MACROD2: variants seen among roughly 807,000 people sequenced by gnomAD.
The protein encoded by MACROD2 is ADP-ribose glycohydrolase MACROD2.
In MACROD2, 36 loss-of-function variants were observed where a neutral mutation model predicts 70.4. That is an observed-to-expected ratio of 0.51 (90% CI 0.39 to 0.68). The LOEUF (loss-of-function observed/expected upper bound fraction) is 0.68, where lower values mean the gene tolerates loss of function less well. MACROD2 is among the 30% of genes least tolerant of loss of function. The pLI is 0.00. For missense variants in MACROD2, 496 were observed against 538.4 expected (o/e 0.92, Z 0.78); for synonymous variants, 172 against 178.8 (o/e 0.96, Z 0.30).
At chr20:14,358,160 T>C (rs1294656833) in intron 3 of MACROD2, among the ~76,000 whole-genome samples, 1 of 152,226 alleles carries the variant, frequency 6.6e-6, no homozygotes, top group Non-Finnish European at 1.5e-5. Flanking sequence ...TAGTACTGTA[T>C]AACAATTTAG....
At chr20:14,775,630 G>A (rs1324536677) in intron 5 of MACROD2, among the ~76,000 whole-genome samples, 1 of 151,840 alleles carries the variant, frequency 6.6e-6, no homozygotes, top group Non-Finnish European at 1.5e-5. Context: ...CAACACTGGG[G>A]GTCACATTTC....
chr20:15,744,104 T>C (rs2146969041), intron 8 of MACROD2, among the ~76,000 whole-genome samples: 1 of 148,750 alleles, frequency 6.7e-6, no homozygotes, highest in African/African-American at 2.4e-5. Flanking sequence ...AGTTTAGTTG[T>C]ATCTCTTTTT....
rs536729630 is a variant in MACROD2, at chr20:14,171,886, T to A, written c.271+86158T>A. Among the ~76,000 whole-genome samples, 10 of 152,314 alleles carry A rather than the reference T, an allele frequency of 6.6e-5. No individual in the cohort carries two copies. In the South Asian group the frequency reaches 1.5e-3, roughly 22 times the overall value. ...AGGTATAGATTAAATCCATTGTTTC[T>A]TTGTTGACTTTCTGTCTTGATGACC... On this transcript the variant is annotated intron_variant, in intron 3 of 17. Coordinates refer to ENST00000684519, the MANE Select transcript of MACROD2 (RefSeq NM_001351661.2).
intron 3 of MACROD2, among the ~76,000 whole-genome samples, chr20:14,411,594 T>G (rs2083749856): frequency 6.6e-6 from 1 of 152,168 alleles, no homozygotes. Context: ...ACTATCACTG[T>G]GCTACTAAGA....
intron 8 of MACROD2, among the ~76,000 whole-genome samples, chr20:15,513,709 C>T (rs1316819996): frequency 6.6e-6 from 1 of 152,178 alleles, no homozygotes; most frequent in Non-Finnish European, 1.5e-5. Context: ...TGGCATCTTG[C>T]TTCATTACCA....
intron 8 of MACROD2, among the ~76,000 whole-genome samples, chr20:15,843,204 A>T (rs1355383279): frequency 6.6e-6 from 1 of 152,184 alleles, no homozygotes; most frequent in Non-Finnish European, 1.5e-5. Context: ...CCTTGTTATT[A>T]TATGCATTTA....
intron 5 of MACROD2, among the ~76,000 whole-genome samples, chr20:14,966,609 C>G (rs1254172713): frequency 6.6e-6 from 1 of 152,160 alleles, no homozygotes; most frequent in Non-Finnish European, 1.5e-5. Flanking sequence ...TCATTTCATC[C>G]TCTCTTCCCG....
chr20:15,898,534 G>A (rs1260821973), intron 10 of MACROD2, among the ~76,000 whole-genome samples: 1 of 128,800 alleles, frequency 7.8e-6, no homozygotes, highest in African/African-American at 2.9e-5. Context: ...CTGGGCCACA[G>A]AGCAAGACTC....
chr20:14,810,984 A>G (rs1294054918), intron 5 of MACROD2, among the ~76,000 whole-genome samples: 1 of 152,166 alleles, frequency 6.6e-6, no homozygotes, highest in East Asian at 1.9e-4. Context: ...GGATAGGAAG[A>G]ATCAATATCA....
At chr20:15,939,100 C>T (rs1477674271) in intron 12 of MACROD2, among the ~76,000 whole-genome samples, 1 of 152,190 alleles carries the variant, frequency 6.6e-6, no homozygotes, top group Non-Finnish European at 1.5e-5. Flanking sequence ...GTTTCCATTA[C>T]ATTAATGTGC....
At chr20:15,326,750 A>G (rs1315312908) in intron 6 of MACROD2, among the ~76,000 whole-genome samples, 1 of 152,112 alleles carries the variant, frequency 6.6e-6, no homozygotes, top group Admixed American at 6.6e-5. Context: ...CATCTCCAAG[A>G]CCAAGCATAT....
intron 8 of MACROD2, among the ~76,000 whole-genome samples, chr20:15,603,635 G>A (rs2048854833): frequency 6.6e-6 from 1 of 152,154 alleles, no homozygotes; most frequent in Non-Finnish European, 1.5e-5. Context: ...CATAAGGGAT[G>A]CAGGAGCCAT....
chr20:15,535,841 T>C (rs1035989611), intron 8 of MACROD2, among the ~76,000 whole-genome samples: 4 of 152,058 alleles, frequency 2.6e-5, no homozygotes, highest in South Asian at 2.1e-4. Context: ...ACCAGAAAAA[T>C]AGGAAATCAT....
intron 6 of MACROD2, among the ~76,000 whole-genome samples, chr20:15,288,875 A>G (rs769684183): frequency 3.5e-5 from 4 of 114,544 alleles, no homozygotes; most frequent in Non-Finnish European, 5.8e-5. Context: ...CTGTCTATCT[A>G]TCTATCTATC....
intron 5 of MACROD2, among the ~76,000 whole-genome samples, chr20:14,969,699 C>G (rs6034077): frequency 0.022 from 3,346 of 151,940 alleles, 134 homozygotes; most frequent in African/African-American, 0.075. Flanking sequence ...CTGCTTTTAA[C>G]TTGAATCTAC....
At chr20:15,097,691 T>C (rs1601070539) in intron 5 of MACROD2, among the ~76,000 whole-genome samples, 2 of 152,304 alleles carry the variant, frequency 1.3e-5, no homozygotes, top group East Asian at 3.9e-4. Flanking sequence ...TGCAAGGCCA[T>C]GCTTTGTTGA....
intron 7 of MACROD2, among the ~76,000 whole-genome samples, chr20:15,447,054 G>A (rs897427311): frequency 3.0e-5 from 1 of 33,032 alleles, no homozygotes; most frequent in Non-Finnish European, 8.5e-5. Flanking sequence ...GAGTGTGCGT[G>A]TGTGTGTGTG....
At chr20:14,848,295 C>G (rs577338635) in intron 5 of MACROD2, among the ~76,000 whole-genome samples, 1 of 152,298 alleles carries the variant, frequency 6.6e-6, no homozygotes, top group South Asian at 2.1e-4. Context: ...TACATATACT[C>G]TTGGATATCA....
chr20:15,976,873 C>G (rs903734125), intron 13 of MACROD2, among the ~76,000 whole-genome samples: 4 of 152,136 alleles, frequency 2.6e-5, no homozygotes, highest in Non-Finnish European at 4.4e-5. Context: ...TGAAATAGCA[C>G]TTTATCCTCA....
Sources: gnomAD v4.1 joint callset for allele counts (sites outside exome capture counted in the v4.1 genomes callset) on GRCh38, gnomAD v4.1.1 for gene constraint, MANE v1.5 for transcripts, NCBI Gene and HGNC (gene_info 2026-07-23, HGNC 2026-07-21) for gene names.